Variants in AGBL1 observed in about 807,000 individuals in gnomAD.
AGBL1 encodes cytosolic carboxypeptidase 4.
AGBL1 carries 130 observed loss-of-function variants against 118.9 expected under a neutral mutation model. That is an observed-to-expected ratio of 1.09 (90% CI 0.95 to 1.26). AGBL1 has a LOEUF of 1.26. Among genes scored for constraint, AGBL1 ranks in the 50% most tolerant of loss-of-function variants. AGBL1 has a pLI of 0.00. For missense variants in AGBL1, 1,584 were observed against 1,298.1 expected (o/e 1.22, Z -3.38); for synonymous variants, 555 against 478.9 (o/e 1.16, Z -2.08).
intron 22 of AGBL1, among the ~76,000 whole-genome samples, chr15:86,785,812 AG>A (rs1176045655): frequency 6.6e-6 from 1 of 152,226 alleles, no homozygotes; most frequent in Non-Finnish European, 1.5e-5. Context: ...ACTGAGTTAT[AG>A]GGCAACTGAG....
chr15:86,599,949 CA>C lies in AGBL1; in HGVS notation c.2994+45416del, dbSNP rs1351724815. Among the ~76,000 whole-genome samples, 11 of 152,180 alleles carry C rather than the reference CA, an allele frequency of 7.2e-5. No individual in the cohort carries two copies. In the South Asian group the frequency reaches 1.0e-3, roughly 14 times the overall value. On this transcript the variant is annotated intron_variant, in intron 21 of 22. Transcript: ENST00000614907. ...ATAATAAAAACCCCCATATTGAAAACAAAACTTATTAAATACCCCTTGAATT... is the reference window on the plus strand; with the variant it reads ...ATAATAAAAACCCCCATATTGAAAACAAACTTATTAAATACCCCTTGAATT...
intron 17 of AGBL1, among the ~76,000 whole-genome samples, chr15:86,335,141 ATTT>A (rs60369177): frequency 6.8e-6 from 1 of 146,344 alleles, no homozygotes; most frequent in Non-Finnish European, 1.5e-5. Flanking sequence ...AGATTAAGTT[ATTT>A]TTTTTTTTTT....
intron 1 of AGBL1, among the ~76,000 whole-genome samples, chr15:86,100,465 GAGAA>G (rs1010635208): frequency 6.6e-6 from 1 of 151,980 alleles, no homozygotes; most frequent in African/African-American, 2.4e-5. Context: ...TCTTTGATGG[GAGAA>G]AGAAAAACCC....
chr15:86,197,716 A>T (rs1017552509), intron 5 of AGBL1, among the ~76,000 whole-genome samples: 2 of 152,196 alleles, frequency 1.3e-5, no homozygotes, highest in Non-Finnish European at 2.9e-5. Flanking sequence ...TTCTAAAGAG[A>T]ACACTAAGAG....
At chr15:86,319,750 T>TG (rs1398163334) in intron 17 of AGBL1, among the ~76,000 whole-genome samples, 4 of 31,426 alleles carry the variant, frequency 1.3e-4, no homozygotes, top group Non-Finnish European at 2.8e-4. Context: ...GTAGTTTTTT[T>TG]TTTTTTTTTT....
At chr15:86,527,147 T>G (rs983550711) in intron 19 of AGBL1, among the ~76,000 whole-genome samples, 1 of 152,102 alleles carries the variant, frequency 6.6e-6, no homozygotes, top group African/African-American at 2.4e-5. Context: ...AGGTCACAAT[T>G]TGAAAAAAGT....
At chr15:86,643,043 T>G (rs2085218814) in intron 21 of AGBL1, among the ~76,000 whole-genome samples, 1 of 152,192 alleles carries the variant, frequency 6.6e-6, no homozygotes, top group South Asian at 2.1e-4. Context: ...ATCTCAATTC[T>G]GACTTCTGGG....
At chr15:86,654,964 C>T (rs2085439544) in intron 21 of AGBL1, among the ~76,000 whole-genome samples, 1 of 152,128 alleles carries the variant, frequency 6.6e-6, no homozygotes, top group Non-Finnish European at 1.5e-5. Context: ...ACAGCTCCTA[C>T]TTTTCAGAGC....
At chr15:86,712,461 T>C (rs1305897478) in intron 22 of AGBL1, among the ~76,000 whole-genome samples, 1 of 152,100 alleles carries the variant, frequency 6.6e-6, no homozygotes, top group East Asian at 1.9e-4. Context: ...ATTAGGCAAT[T>C]GGGCTTCAAA....
At chr15:86,203,742 TGTTAC>T (rs2077944783) in intron 5 of AGBL1, among the ~76,000 whole-genome samples, 7 of 152,330 alleles carry the variant, frequency 4.6e-5, no homozygotes, top group Admixed American at 4.6e-4. Context: ...TTACCTCCAT[TGTTAC>T]GGAGTTACTC....
chr15:86,153,316 G>C (rs1431203371), intron 3 of AGBL1, among the ~76,000 whole-genome samples: 1 of 152,142 alleles, frequency 6.6e-6, no homozygotes, highest in African/African-American at 2.4e-5. Flanking sequence ...ATACCCCATG[G>C]AATACTATGC....
intron 18 of AGBL1, among the ~76,000 whole-genome samples, chr15:86,517,396 G>T (rs2083134796): frequency 6.6e-6 from 1 of 152,188 alleles, no homozygotes; most frequent in Non-Finnish European, 1.5e-5. Context: ...TAATGTTGTT[G>T]CTCCTCCTTT....
At chr15:86,141,645 C>T (rs2076965254) in intron 1 of AGBL1, among the ~76,000 whole-genome samples, 1 of 152,154 alleles carries the variant, frequency 6.6e-6, no homozygotes, top group Non-Finnish European at 1.5e-5. Flanking sequence ...AGCAAGACTT[C>T]ATCTTAAATA....
At position 86,909,108 on chromosome 15, in the gene AGBL1, T is replaced by G. The variant is rs916159624; in HGVS notation, c.*1814T>G. ...AAAAGAAATGCCTGTTTTCTATCTT[T>G]CCAAAAGCTCTACATAATATTTCTT... On this transcript the variant is annotated 3_prime_UTR_variant, in exon 23 of 23. Coordinates refer to ENST00000614907, the MANE Select transcript of AGBL1 (RefSeq NM_001386094.1). 6.6e-6 allele frequency: 1 copy of G among 152,190 alleles called. No homozygotes were observed. Among genetic ancestry groups the G allele is most frequent in the Non-Finnish European group, 1.5e-5 (1 of 68,042 alleles). 9.4% of individuals were successfully genotyped at this position (152,190 alleles called of 1,614,324 possible).
At chr15:86,502,490 C>T (rs1189281823) in intron 18 of AGBL1, among the ~76,000 whole-genome samples, 1 of 151,340 alleles carries the variant, frequency 6.6e-6, no homozygotes, top group Non-Finnish European at 1.5e-5. Flanking sequence ...GTGGTAAAAG[C>T]AGACAACCTT....
intron 1 of AGBL1, among the ~76,000 whole-genome samples, chr15:86,080,840 A>G (rs55802588): frequency 0.33 from 49,522 of 150,604 alleles, 8,549 homozygotes; most frequent in East Asian, 0.45. Flanking sequence ...CTGGATTCAG[A>G]GGATGCCAGT....
intron 22 of AGBL1, among the ~76,000 whole-genome samples, chr15:86,726,943 G>A (rs947323328): frequency 7.9e-5 from 12 of 152,084 alleles, no homozygotes; most frequent in South Asian, 6.2e-4. Context: ...TAGAAACGTC[G>A]TTTTCCTCGT....
intron 22 of AGBL1, among the ~76,000 whole-genome samples, chr15:86,681,821 G>A (rs1477314773): frequency 2.0e-5 from 3 of 152,148 alleles, no homozygotes; most frequent in African/African-American, 7.2e-5. Flanking sequence ...TTGGGTGATT[G>A]TGTTGGAGAG....
At chr15:86,669,134 A>C (rs746346091) in intron 21 of AGBL1, among the ~76,000 whole-genome samples, 2 of 152,186 alleles carry the variant, frequency 1.3e-5, no homozygotes, top group African/African-American at 2.4e-5. Context: ...AAAAATTATA[A>C]AATAATTGAG....
Sources: allele counts gnomAD v4.1 joint callset (sites outside exome capture counted in the v4.1 genomes callset), GRCh38; gene constraint gnomAD v4.1.1; transcripts MANE v1.5; gene names NCBI Gene and HGNC (gene_info 2026-07-23, HGNC 2026-07-21).